GPC5: variants seen among roughly 807,000 people sequenced by gnomAD.
GPC5 encodes glypican 5.
GPC5 carries 47 observed loss-of-function variants against 53.9 expected under a neutral mutation model. The ratio of observed to expected loss-of-function variants is 0.87; its 90% confidence interval spans 0.69 to 1.11. The LOEUF (loss-of-function observed/expected upper bound fraction) is 1.11. Ranked by LOEUF, GPC5 falls within the 50% of genes most tolerant of loss-of-function variation. GPC5 has a pLI of 0.00. For synonymous variants in GPC5, 286 were observed against 263.3 expected (o/e 1.09, Z -0.84); for missense variants, 748 against 713.1 (o/e 1.05, Z -0.56).
intron 7 of GPC5, among the ~76,000 whole-genome samples, chr13:92,482,920 G>T (rs1417634663): frequency 1.3e-5 from 2 of 152,122 alleles, no homozygotes; most frequent in African/African-American, 4.8e-5. Flanking sequence ...AAGGAAAGAG[G>T]TTTAATGGAC....
At chr13:92,741,478 A>G (rs1225885421) in intron 7 of GPC5, among the ~76,000 whole-genome samples, 2 of 151,992 alleles carry the variant, frequency 1.3e-5, no homozygotes, top group East Asian at 3.9e-4. Flanking sequence ...TAAGAAATCC[A>G]TTCTTTTTCT....
intron 6 of GPC5, 48 bp from the exon 7 acceptor site, chr13:92,144,782 G>C: frequency 1.3e-6 from 2 of 1,549,464 alleles, no homozygotes; most frequent in Non-Finnish European, 1.8e-6. Context: ...GAATTCTTAT[G>C]TTATTCAAAT....
rs1321736931 is a variant in GPC5, at chr13:92,643,427, C to T, written c.1562-222855C>T. 2.7e-5 allele frequency among the ~76,000 whole-genome samples: 4 copies of T among 149,308 alleles called. No individual in the cohort carries two copies. In the South Asian group the frequency reaches 6.5e-4, roughly 24 times the overall value. ...ATGCTGCTATAAAGACACATGCACACGTATGTTTATTGCGGCATTATTCAC... is the reference window on the plus strand; with the variant it reads ...ATGCTGCTATAAAGACACATGCACATGTATGTTTATTGCGGCATTATTCAC... On this transcript the variant is annotated intron_variant, in intron 7 of 7. Transcript: ENST00000377067.
chr13:92,547,341 A>G lies in GPC5; in HGVS notation c.1562-318941A>G, dbSNP rs1219621319. ...TAGAGAAAAAATTAACTGCAAAGAA[A>G]GACTTTATCTGTGAATAACATTTCT... On this transcript the variant is annotated intron_variant, in intron 7 of 7. Transcript: ENST00000377067. 2.0e-5 allele frequency among the ~76,000 whole-genome samples: 3 copies of G among 152,358 alleles called. No individual in the cohort carries two copies. The East Asian group carries it at 5.8e-4, about 29-fold the overall frequency.
chr13:91,974,788 C>T (rs960237454), intron 6 of GPC5, among the ~76,000 whole-genome samples: 2 of 152,002 alleles, frequency 1.3e-5, no homozygotes, highest in African/African-American at 4.8e-5. Context: ...TCATATGGAA[C>T]CAAAAAAGAG....
rs1594579906 is a variant in GPC5, at chr13:91,804,579, A to G, written c.1280+48159A>G. ...GTTAGCCATCAAAAGGAGGCTTGGCAATTTTAAAACAGAGAGAGGGAGAGA... is the reference window on the plus strand; with the variant it reads ...GTTAGCCATCAAAAGGAGGCTTGGCGATTTTAAAACAGAGAGAGGGAGAGA... On this transcript the variant is annotated intron_variant, in intron 5 of 7. Coordinates refer to ENST00000377067, the MANE Select transcript of GPC5 (RefSeq NM_004466.6). Among the ~76,000 whole-genome samples, 3 of 152,216 alleles carry G rather than the reference A, an allele frequency of 2.0e-5. No individual in the cohort carries two copies. The East Asian group carries it at 5.8e-4, about 29-fold the overall frequency.
At chr13:92,415,426 T>C (rs577458420) in intron 7 of GPC5, among the ~76,000 whole-genome samples, 1 of 151,970 alleles carries the variant, frequency 6.6e-6, no homozygotes, top group African/African-American at 2.4e-5. Flanking sequence ...AAATTGCTTG[T>C]ATATAGTCCA....
chr13:92,575,819 T>C lies in GPC5; in HGVS notation c.1562-290463T>C, dbSNP rs1883172652. ...ATTTAACTCCAGTGTATCTTCAGTC[T>C]TGCCCTAGAAGCCAGATTCAGATTC... is the stretch of plus-strand genomic sequence containing the variant. On this transcript the variant is annotated intron_variant, in intron 7 of 7. Transcript: ENST00000377067. Among the ~76,000 whole-genome samples, 11 of 152,206 alleles carry C rather than the reference T, an allele frequency of 7.2e-5. No homozygotes were observed. In the South Asian group the frequency reaches 2.3e-3, roughly 32 times the overall value.
intron 7 of GPC5, among the ~76,000 whole-genome samples, chr13:92,380,685 C>CA (rs535374493): frequency 0.018 from 2,508 of 142,912 alleles, 35 homozygotes; most frequent in Non-Finnish European, 0.023. Flanking sequence ...ATCGCAAGAA[C>CA]AAAAAACCAA....
intron 4 of GPC5, among the ~76,000 whole-genome samples, chr13:91,742,628 C>A (rs556965384): frequency 6.6e-6 from 1 of 152,234 alleles, no homozygotes; most frequent in African/African-American, 2.4e-5. Flanking sequence ...AACAGATGCC[C>A]ACTTTTTGTT....
At chr13:92,172,647 T>G (rs1402110789) in intron 7 of GPC5, among the ~76,000 whole-genome samples, 1 of 152,132 alleles carries the variant, frequency 6.6e-6, no homozygotes, top group Non-Finnish European at 1.5e-5. Context: ...ATTTAACTTA[T>G]GTGTCACCTT....
At chr13:91,690,395 T>C (rs538366082) in intron 2 of GPC5, among the ~76,000 whole-genome samples, 8 of 152,260 alleles carry the variant, frequency 5.3e-5, no homozygotes. Flanking sequence ...AACTGTATAA[T>C]TTGTTCAGAA....
intron 5 of GPC5, among the ~76,000 whole-genome samples, chr13:91,786,947 T>C (rs1439091011): frequency 1.7e-5 from 1 of 58,992 alleles, no homozygotes. Context: ...GTGTTTCTCT[T>C]TTTTTTTTTT....
At chr13:91,639,150 A>C (rs1178066849) in intron 2 of GPC5, among the ~76,000 whole-genome samples, 1 of 152,188 alleles carries the variant, frequency 6.6e-6, no homozygotes, top group African/African-American at 2.4e-5. Flanking sequence ...CTTCCCCAGC[A>C]CAGGTGTGTG....
In GPC5 at chr13:91,471,959, T is replaced by G. The variant is rs771908275; in HGVS notation, c.325+23037T>G. Among the ~76,000 whole-genome samples the G allele has an allele frequency of 2.9e-4, 44 of 152,158 alleles. 1 individual carries two copies. The highest frequency in any genetic ancestry group is 5.9e-4 in the Non-Finnish European group (40 of 68,020). Reference sequence around the variant, plus strand: ...TGCCATTCTCCAATTTGAAATTCTTTGGTGCTTTGCATTTTCTTGCTGCTT... The same window carrying G: ...TGCCATTCTCCAATTTGAAATTCTTGGGTGCTTTGCATTTTCTTGCTGCTT... On this transcript the variant is annotated intron_variant, in intron 2 of 7. Transcript: ENST00000377067.
Position 92,866,418 on chromosome 13 carries a change from G to C in GPC5, c.1698G>C (p.Met566Ile), listed in dbSNP as rs758195809. The C allele has an allele frequency of 6.2e-7, 1 of 1,605,176 alleles. No individual in the cohort carries two copies. The highest frequency in any genetic ancestry group is 8.5e-7 in the Non-Finnish European group (1 of 1,174,696). ...SMTFTLISVV[M>I]LLPGIW ...CATTCACTCTGATAAGTGTGGTGAT[G>C]TTACTTCCCGGGATTTGGTAACTGA... is the stretch of plus-strand genomic sequence containing the variant. The change falls in exon 8 of 8, where the codon ATG (methionine) becomes ATC (isoleucine). Residue 566 changes from methionine (M) to isoleucine (I), a missense_variant. Coordinates refer to ENST00000377067, the MANE Select transcript of GPC5 (RefSeq NM_004466.6).
chr13:91,607,535 A>G (rs1334604331), intron 2 of GPC5, among the ~76,000 whole-genome samples: 1 of 152,234 alleles, frequency 6.6e-6, no homozygotes, highest in Non-Finnish European at 1.5e-5. Context: ...ACCAGTTCAC[A>G]GAACAATCTT....
chr13:92,635,066 C>T lies in GPC5; in HGVS notation c.1562-231216C>T, dbSNP rs1282515063. 2.6e-5 allele frequency among the ~76,000 whole-genome samples: 4 copies of T among 151,842 alleles called. No homozygotes were observed. The East Asian group carries it at 7.7e-4, about 29-fold the overall frequency. The stretch of plus-strand genomic sequence containing the variant: ...AGTAAAATATTTTACCTGAAATATA[C>T]ATTTATAGTTCTTATAATTATTTTA... On this transcript the variant is annotated intron_variant, in intron 7 of 7. Transcript: ENST00000377067.
intron 7 of GPC5, among the ~76,000 whole-genome samples, chr13:92,834,807 AGCCACTAAGG>A (rs1301580040): frequency 6.6e-6 from 1 of 152,126 alleles, no homozygotes; most frequent in Non-Finnish European, 1.5e-5. Flanking sequence ...CTGCTGATCC[AGCCACTAAGG>A]GCCATAGTGT....
Sources: gnomAD v4.1 joint callset for allele counts (sites outside exome capture counted in the v4.1 genomes callset) on GRCh38, gnomAD v4.1.1 for gene constraint, MANE v1.5 for transcripts, NCBI Gene and HGNC (gene_info 2026-07-23, HGNC 2026-07-21) for gene names.